CHD6: variants seen among roughly 807,000 people sequenced by gnomAD.
CHD6 encodes chromodomain helicase DNA binding protein 6.
CHD6 carries 50 observed loss-of-function variants against 276.9 expected under a neutral mutation model. The observed-to-expected ratio is 0.18, with a 90% CI of 0.14 to 0.23. CHD6 has a LOEUF of 0.23. Ranked by LOEUF, CHD6 falls within the 10% of genes least tolerant of loss-of-function variation. The pLI is 1.00. For synonymous variants in CHD6, 1,173 were observed against 1,229.3 expected, an observed-to-expected ratio of 0.95 and a Z score of 0.96; for missense variants, 2,564 against 3,365.8, an observed-to-expected ratio of 0.76 and a Z score of 5.89.
At chr20:41,518,489 T>A (rs987945349) in intron 3 of CHD6, among the ~76,000 whole-genome samples, 2 of 152,088 alleles carry the variant, frequency 1.3e-5, no homozygotes, top group Non-Finnish European at 2.9e-5. Flanking sequence ...ACTTTCCAAG[T>A]CAAGCCTGAG....
At chr20:41,453,314 A>T (rs1205076678) in intron 20 of CHD6, among the ~76,000 whole-genome samples, 1 of 152,228 alleles carries the variant, frequency 6.6e-6, no homozygotes, top group Non-Finnish European at 1.5e-5. Flanking sequence ...TGCAGAGAGC[A>T]GTCTGCACTC....
Position 41,440,020 on chromosome 20 carries a change from C to T in CHD6, c.3987G>A (p.Gly1329=), listed in dbSNP as rs781321528. The T allele has an allele frequency of 1.2e-6, 2 of 1,613,940 alleles. No homozygotes were observed. Among genetic ancestry groups the T allele is most frequent in the East Asian group, 4.5e-5 (2 of 44,882 alleles). ...SLSAEQGVTD[G]TSDIPERGNT... ...CTCACCTTTCAGGAATGTCTGAGGT[C>T]CCATCTGTAACACCCTGTTCTGCAG... Residue 1329 remains glycine (G), a synonymous_variant, in exon 26 of 37, where the codon GGG becomes GGA. Transcript: ENST00000373233.
At chr20:41,466,340 C>T (rs2042920172) in intron 17 of CHD6, among the ~76,000 whole-genome samples, 1 of 152,106 alleles carries the variant, frequency 6.6e-6, no homozygotes, top group African/African-American at 2.4e-5. Context: ...TTTTTCCCCG[C>T]TTAACAATAT....
intron 2 of CHD6, among the ~76,000 whole-genome samples, chr20:41,543,285 G>A (rs764715017): frequency 1.4e-4 from 21 of 152,086 alleles, no homozygotes; most frequent in Non-Finnish European, 2.5e-4. Context: ...TGGTCCCACG[G>A]CTAGTAAGTG....
At chr20:41,594,170 T>C (rs1392843174) in intron 1 of CHD6, among the ~76,000 whole-genome samples, 1 of 152,150 alleles carries the variant, frequency 6.6e-6, no homozygotes, top group Non-Finnish European at 1.5e-5. Flanking sequence ...TTCCACAGTA[T>C]CAATAGTAAA....
At chr20:41,540,402 G>A (rs2044918539) in intron 2 of CHD6, among the ~76,000 whole-genome samples, 2 of 152,148 alleles carry the variant, frequency 1.3e-5, no homozygotes, top group Non-Finnish European at 2.9e-5. Context: ...TAATGAGAAT[G>A]TATTACTTTC....
intron 5 of CHD6, among the ~76,000 whole-genome samples, chr20:41,511,232 C>T (rs188133569): frequency 2.0e-4 from 30 of 152,294 alleles, no homozygotes; most frequent in African/African-American, 7.2e-4. Flanking sequence ...CCAGGAGGAA[C>T]GACAGATATT....
At chr20:41,611,444 C>T (rs181061929) in intron 1 of CHD6, among the ~76,000 whole-genome samples, 47 of 152,128 alleles carry the variant, frequency 3.1e-4, no homozygotes, top group Non-Finnish European at 4.3e-4. Context: ...CTAGTAGTTC[C>T]CGTGCAGATA....
At chr20:41,470,866 A>G (rs555176820) in intron 17 of CHD6, among the ~76,000 whole-genome samples, 22 of 152,364 alleles carry the variant, frequency 1.4e-4, no homozygotes, top group African/African-American at 3.4e-4. Flanking sequence ...GCCTCTGGCC[A>G]TGAGCTGTTG....
intron 23 of CHD6, among the ~76,000 whole-genome samples, chr20:41,449,706 T>C (rs1004574524): frequency 6.6e-6 from 1 of 152,244 alleles, no homozygotes; most frequent in Non-Finnish European, 1.5e-5. Context: ...ATTTTACTGA[T>C]GTGAAATATA....
At chr20:41,537,381 T>C (rs1399857680) in intron 2 of CHD6, among the ~76,000 whole-genome samples, 15 of 152,210 alleles carry the variant, frequency 9.9e-5, no homozygotes, top group Non-Finnish European at 1.5e-5. Flanking sequence ...ATTTGTGTTG[T>C]GTTAGGTCTT....
intron 1 of CHD6, among the ~76,000 whole-genome samples, chr20:41,586,513 T>C (rs1420328240): frequency 6.6e-6 from 1 of 152,184 alleles, no homozygotes; most frequent in Non-Finnish European, 1.5e-5. Flanking sequence ...TTCCATTCCT[T>C]AGAATCTGTG....
intron 25 of CHD6, 74 bp from the exon 26 acceptor site, chr20:41,440,203 T>A: frequency 7.3e-7 from 1 of 1,368,170 alleles, no homozygotes; most frequent in East Asian, 2.3e-5. Context: ...CTAGTCTTTT[T>A]GTTTTCCTTA....
intron 27 of CHD6, among the ~76,000 whole-genome samples, chr20:41,430,537 G>C (rs933110602): frequency 5.3e-5 from 8 of 152,130 alleles, no homozygotes; most frequent in African/African-American, 1.9e-4. Flanking sequence ...AAGAATACTT[G>C]ACTACAACAA....
At chr20:41,539,593 G>C (rs1292201733) in intron 2 of CHD6, among the ~76,000 whole-genome samples, 3 of 152,202 alleles carry the variant, frequency 2.0e-5, no homozygotes, top group Admixed American at 6.5e-5. Flanking sequence ...AGAAATTACA[G>C]CCACTGCCCA....
chr20:41,593,806 G>A (rs1409602684), intron 1 of CHD6, among the ~76,000 whole-genome samples: 1 of 152,134 alleles, frequency 6.6e-6, no homozygotes, highest in Admixed American at 6.5e-5. Flanking sequence ...AAGACCATGT[G>A]AGGATATGGC....
At chr20:41,454,250 T>C (rs1347627518) in intron 20 of CHD6, among the ~76,000 whole-genome samples, 1 of 152,226 alleles carries the variant, frequency 6.6e-6, no homozygotes, top group Non-Finnish European at 1.5e-5. Flanking sequence ...CAACAAACTT[T>C]TGTCATGCTT....
intron 1 of CHD6, among the ~76,000 whole-genome samples, chr20:41,603,545 T>C (rs553590524): frequency 8.6e-5 from 13 of 152,022 alleles, no homozygotes; most frequent in African/African-American, 2.9e-4. Flanking sequence ...TTTCAAGGCA[T>C]TAAGGTTGAG....
chr20:41,579,374 G>A (rs981212734), intron 1 of CHD6, among the ~76,000 whole-genome samples: 2 of 140,518 alleles, frequency 1.4e-5, no homozygotes, highest in Non-Finnish European at 3.0e-5. Flanking sequence ...GGAGGTAGAG[G>A]TTGCAGTAAG....
Sources: gnomAD v4.1 joint callset for allele counts (sites outside exome capture counted in the v4.1 genomes callset) on GRCh38, gnomAD v4.1.1 for gene constraint, MANE v1.5 for transcripts, NCBI Gene and HGNC (gene_info 2026-07-23, HGNC 2026-07-21) for gene names.